HERPUD2: variants seen among roughly 807,000 people sequenced by gnomAD.
HERPUD2 encodes homocysteine-responsive endoplasmic reticulum-resident ubiquitin-like domain member 2 protein.
A neutral mutation model predicts 49.9 loss-of-function variants in HERPUD2; 13 were observed. The observed-to-expected ratio is 0.26, with a 90% confidence interval of 0.17 to 0.41. The LOEUF (loss-of-function observed/expected upper bound fraction) is 0.41, where lower values mean the gene tolerates loss of function less well. HERPUD2 is among the 10% of genes least tolerant of loss of function. The pLI, the probability that HERPUD2 is intolerant of heterozygous loss-of-function variation, is 1.00. For synonymous variants in HERPUD2, 172 were observed against 171.4 expected, an observed-to-expected ratio of 1.00 and a Z score of -0.03; for missense variants, 449 against 492.2, an observed-to-expected ratio of 0.91 and a Z score of 0.83.
chr7:35,685,530 T>C (rs866242016), intron 2 of HERPUD2, among the ~76,000 whole-genome samples: 3 of 151,896 alleles, frequency 2.0e-5, no homozygotes, highest in African/African-American at 7.2e-5. Flanking sequence ...TTCTCCATGT[T>C]GACCAGGCTG....
rs373543262 is a variant in HERPUD2 at position 35,684,758 on chromosome 7, G to C, written c.147+9426C>G. Reference sequence around the variant, plus strand: ...GGGACTCAGCGGGAAAGGGTGAGAAGGGGGTGAGGGATAAAAGACCACAAA... The same window carrying C: ...GGGACTCAGCGGGAAAGGGTGAGAACGGGGTGAGGGATAAAAGACCACAAA... On this transcript the variant is annotated intron_variant, in intron 2 of 8. Coordinates refer to ENST00000311350, the MANE Select transcript of HERPUD2 (RefSeq NM_022373.5). Among the ~76,000 whole-genome samples the C allele has an allele frequency of 2.0e-5, 3 of 152,156 alleles. No homozygotes were observed. In the East Asian group the frequency reaches 5.8e-4, roughly 29 times the overall value.
chr7:35,673,989 A>G (rs913129775), intron 2 of HERPUD2, among the ~76,000 whole-genome samples: 15 of 152,134 alleles, frequency 9.9e-5, no homozygotes, highest in African/African-American at 3.6e-4. Flanking sequence ...TATACTCCAC[A>G]TAAGGCCTAC....
intron 3 of HERPUD2, 74 bp downstream of exon 3, chr7:35,673,127 G>A (rs1225362539): frequency 4.4e-6 from 5 of 1,129,146 alleles, no homozygotes; most frequent in Admixed American, 2.1e-5. Flanking sequence ...TGAACTGGTT[G>A]AATAAAATTT....
chr7:35,652,757 A>G (rs1785194305), intron 5 of HERPUD2, among the ~76,000 whole-genome samples: 2 of 152,072 alleles, frequency 1.3e-5, no homozygotes, highest in South Asian at 2.1e-4. Context: ...TCTGCCAAGG[A>G]TACTATACCC....
chr7:35,685,871 G>T (rs1786029248), intron 2 of HERPUD2, among the ~76,000 whole-genome samples: 1 of 151,968 alleles, frequency 6.6e-6, no homozygotes, highest in Admixed American at 6.5e-5. Flanking sequence ...TGAGGCTGGA[G>T]AATCGCTTGA....
At chr7:35,684,997 T>C (rs1786005792) in intron 2 of HERPUD2, among the ~76,000 whole-genome samples, 1 of 152,136 alleles carries the variant, frequency 6.6e-6, no homozygotes. Context: ...TCCCAGCACT[T>C]TGGGAGGCCA....
intron 2 of HERPUD2, among the ~76,000 whole-genome samples, chr7:35,692,346 C>T (rs2116063569): frequency 6.6e-6 from 1 of 152,302 alleles, no homozygotes. Flanking sequence ...AGTCTATAAA[C>T]TGCAGACTAG....
chr7:35,687,788 C>T (rs560592385), intron 2 of HERPUD2, among the ~76,000 whole-genome samples: 1 of 152,258 alleles, frequency 6.6e-6, no homozygotes, highest in South Asian at 2.1e-4. Flanking sequence ...TTTAAAATAT[C>T]TCCTGGAGTC....
At position 35,638,314 on chromosome 7, in the gene HERPUD2, C is replaced by T. The variant is rs779503497; in HGVS notation, c.617+36G>A. ...AAAAGAAAATAAAGCAAATAACACACTGAGTAACTTAAAAAATGAACTCAG... is the reference window on the plus strand; with the variant it reads ...AAAAGAAAATAAAGCAAATAACACATTGAGTAACTTAAAAAATGAACTCAG... On this transcript the variant is annotated intron_variant, in intron 6 of 8. Coordinates refer to ENST00000311350, the MANE Select transcript of HERPUD2 (RefSeq NM_022373.5). The T allele has an allele frequency of 3.2e-6, 5 of 1,543,386 alleles. No homozygotes were observed. In the African/African-American group the frequency reaches 5.5e-5, roughly 17 times the overall value.
chr7:35,655,347 A>G (rs1383569061), intron 5 of HERPUD2, among the ~76,000 whole-genome samples: 1 of 152,230 alleles, frequency 6.6e-6, no homozygotes, highest in Non-Finnish European at 1.5e-5. Context: ...AACCAAATCC[A>G]ACAGCACATC....
chr7:35,692,634 T>C (rs1173277185), intron 2 of HERPUD2, among the ~76,000 whole-genome samples: 1 of 152,246 alleles, frequency 6.6e-6, no homozygotes, highest in African/African-American at 2.4e-5. Flanking sequence ...GTACTTAAAT[T>C]CCTCAGGGTT....
At chr7:35,664,174 A>T (rs918347121) in intron 5 of HERPUD2, among the ~76,000 whole-genome samples, 2 of 152,152 alleles carry the variant, frequency 1.3e-5, no homozygotes, top group African/African-American at 2.4e-5. Flanking sequence ...GCTGAATATG[A>T]AATTCTGGGT....
chr7:35,671,700 A>C (rs1026844675), intron 3 of HERPUD2, among the ~76,000 whole-genome samples: 1 of 152,110 alleles, frequency 6.6e-6, no homozygotes, highest in Non-Finnish European at 1.5e-5. Flanking sequence ...AGAACTATTC[A>C]AAACATAAAT....
chr7:35,684,866 A>G (rs1457955294), intron 2 of HERPUD2, among the ~76,000 whole-genome samples: 4 of 152,170 alleles, frequency 2.6e-5, no homozygotes. Context: ...ATGTAACCAA[A>G]CACCACCTGT....
chr7:35,690,473 T>C (rs1261137373), intron 2 of HERPUD2, among the ~76,000 whole-genome samples: 1 of 152,214 alleles, frequency 6.6e-6, no homozygotes, highest in East Asian at 1.9e-4. Flanking sequence ...CTAAGTAATA[T>C]ACTAATATAA....
In HERPUD2 at chr7:35,673,266, G is replaced by T; in HGVS notation, c.160C>A (p.Gln54Lys). 6.2e-7 allele frequency: 1 copy of T among 1,609,258 alleles called. No individual in the cohort carries two copies. The highest frequency in any genetic ancestry group is 8.5e-7 in the Non-Finnish European group (1 of 1,177,426). The part of the protein sequence containing the change: ...VYPSKPLTKD[Q>K]RLVYSGRLLP... ...AGTCTGCCCGAATACACCAATCTCT[G>T]ATCCTTCGTCAACTAAGAAATGGGA... The change falls in exon 3 of 9, where the codon CAG becomes AAG. Residue 54 changes from glutamine (Q) to lysine (K), a missense_variant. Transcript: ENST00000311350.
At chr7:35,693,171 C>T (rs926118847) in intron 2 of HERPUD2, among the ~76,000 whole-genome samples, 1 of 152,158 alleles carries the variant, frequency 6.6e-6, no homozygotes, top group Non-Finnish European at 1.5e-5. Context: ...TGGAGCTGTA[C>T]TGTCTATATT....
At chr7:35,640,277 GA>G (rs762361765) in intron 5 of HERPUD2, among the ~76,000 whole-genome samples, 2 of 152,086 alleles carry the variant, frequency 1.3e-5, no homozygotes, top group South Asian at 2.1e-4. Flanking sequence ...TTCCCATTAT[GA>G]AAAAACCCAT....
intron 4 of HERPUD2, 85 bp downstream of exon 4, chr7:35,670,130 T>C (rs1220533140): frequency 5.3e-6 from 3 of 567,124 alleles, no homozygotes; most frequent in Non-Finnish European, 9.2e-6. Context: ...TGTTCTGTTT[T>C]TCATTTAGTT....
Sources: gnomAD v4.1 joint callset for allele counts (sites outside exome capture counted in the v4.1 genomes callset) on GRCh38, gnomAD v4.1.1 for gene constraint, MANE v1.5 for transcripts, NCBI Gene and HGNC (gene_info 2026-07-23, HGNC 2026-07-21) for gene names.